The following XPC variants were observed in gnomAD, a reference collection of about 807,000 sequenced individuals.
The protein encoded by XPC is XPC complex subunit, DNA damage recognition and repair factor.
Under a neutral mutation model 95.8 loss-of-function variants are expected in XPC, and 76 were observed. The observed-to-expected ratio is 0.79, with a 90% CI of 0.66 to 0.96. The LOEUF (loss-of-function observed/expected upper bound fraction) is 0.96, where lower values mean the gene tolerates loss of function less well. Ranked by LOEUF, XPC falls within the 40% of genes least tolerant of loss-of-function variation. XPC has a pLI of 0.00. For missense variants in XPC, 1,146 were observed against 1,179.8 expected (o/e 0.97, Z 0.42); for synonymous variants, 442 against 442.1 (o/e 1.00, Z 0.00).
chr3:14,167,171 T>A lies in XPC; in HGVS notation c.619A>T (p.Lys207Ter). 6.3e-7 allele frequency: 1 copy of A among 1,599,420 alleles called. No homozygotes were observed. Among genetic ancestry groups the A allele is most frequent in the Non-Finnish European group, 8.5e-7 (1 of 1,172,042 alleles). ...FNKGVHEDTH[K>*]VHLLCLLANG... Reference sequence around the variant, plus strand: ...TCCCCATCATTCCTTGCCCTTACCTTGTGTGTGTCCTCATGGACCCCTTTA... The same window carrying A: ...TCCCCATCATTCCTTGCCCTTACCTAGTGTGTGTCCTCATGGACCCCTTTA... The change falls in exon 5 of 16, where the codon AAG becomes TAG. Residue 207 changes from lysine to a stop codon, truncating the protein, a stop_gained and splice_region_variant. Coordinates refer to ENST00000285021, the MANE Select transcript of XPC (RefSeq NM_004628.5). LOFTEE classifies it high-confidence loss of function.
rs775405040 is a variant in XPC, at chr3:14,156,411, G to T, written c.1957C>A (p.Leu653Ile). Residue 653 changes from leucine to isoleucine, a missense_variant, in exon 10 of 16, where the codon CTC becomes ATC. Coordinates refer to ENST00000285021, the MANE Select transcript of XPC (RefSeq NM_004628.5). ...GGATAGATGGCCTCATATTTCAGGA[G>T]ATGCCGCTTCAGGGCATACAGAGGG... Reference protein sequence around the residue: ...NHPLYALKRHLLKYEAIYPET... With the variant: ...NHPLYALKRHILKYEAIYPET... 14 of 1,614,048 alleles carry T rather than the reference G, an allele frequency of 8.7e-6. No homozygotes were observed. The highest frequency in any genetic ancestry group is 1.2e-5 in the Non-Finnish European group (14 of 1,179,894).
intron 10 of XPC, among the ~76,000 whole-genome samples, chr3:14,155,657 A>G (rs926593615): frequency 1.3e-5 from 2 of 152,076 alleles, no homozygotes; most frequent in African/African-American, 2.4e-5. Context: ...TCCCGGGTTC[A>G]CGCCATTCTC....
chr3:14,171,304 G>A (rs998907269), intron 2 of XPC, among the ~76,000 whole-genome samples: 16 of 152,066 alleles, frequency 1.1e-4, no homozygotes, highest in Admixed American at 7.9e-4. Context: ...CATCAATCTT[G>A]AGCTCTAATA....
chr3:14,164,946 C>T lies in XPC; in HGVS notation c.780-13G>A, dbSNP rs1696315570. ...TGTTCCAATGAACCTGGGGAGAAAG[C>T]AGGCATTCCTTGTGTCAGAGGTCAG... On this transcript the variant is annotated splice_polypyrimidine_tract_variant and intron_variant, in intron 6 of 15. Coordinates refer to ENST00000285021, the MANE Select transcript of XPC (RefSeq NM_004628.5). 3 of 1,604,308 alleles carry T rather than the reference C, an allele frequency of 1.9e-6. No individual in the cohort carries two copies. Among genetic ancestry groups the T allele is most frequent in the Non-Finnish European group, 2.6e-6 (3 of 1,175,712 alleles).
At chr3:14,165,025 G>T in intron 6 of XPC, 92 bp from the exon 7 acceptor site, 2 of 1,490,652 alleles carry the variant, frequency 1.3e-6, no homozygotes, top group Non-Finnish European at 1.8e-6. Context: ...GGAGTGAATC[G>T]TGAGACCCGC....
chr3:14,176,672 A>G lies in XPC; in HGVS notation c.103+1794T>C, dbSNP rs555656368. On this transcript the variant is annotated intron_variant, in intron 1 of 15. Coordinates refer to ENST00000285021, the MANE Select transcript of XPC (RefSeq NM_004628.5). ...AATTATTACCATTTCACTATTTCCTAATGGATGATGAATTTATAACCGGTA... is the reference window on the plus strand; with the variant it reads ...AATTATTACCATTTCACTATTTCCTGATGGATGATGAATTTATAACCGGTA... Among the ~76,000 whole-genome samples the G allele has an allele frequency of 1.1e-3, 168 of 152,374 alleles. 1 individual carries two copies. Among genetic ancestry groups the G allele is most frequent in the Middle Eastern group, 6.8e-3 (2 of 294 alleles).
At position 14,178,312 on chromosome 3, in the gene XPC, G is replaced by A. The variant is rs933633610; in HGVS notation, c.103+154C>T. The stretch of plus-strand genomic sequence containing the variant: ...AGGACAAAGACGCGGGGACAGCGGG[G>A]AGGGCCGGCCGCAGCCTGCCGGGCT... On this transcript the variant is annotated intron_variant, in intron 1 of 15. Coordinates refer to ENST00000285021, the MANE Select transcript of XPC (RefSeq NM_004628.5). 9 of 829,056 alleles carry A rather than the reference G, an allele frequency of 1.1e-5. No homozygotes were observed. The African/African-American group carries it at 1.7e-4, about 15-fold the overall frequency. The allele number at this position is 829,056 out of a possible 1,614,324, so 51.4% of individuals were successfully genotyped here. A position where few individuals can be genotyped will look rare whatever the true frequency, so the allele number is the denominator to read the frequency against.
chr3:14,155,494 C>T (rs994426958), intron 10 of XPC, among the ~76,000 whole-genome samples: 1 of 151,742 alleles, frequency 6.6e-6, no homozygotes, highest in Non-Finnish European at 1.5e-5. Flanking sequence ...TCTTATTCCA[C>T]TCTTTTTTTA....
At chr3:14,147,869 C>T in intron 14 of XPC, 39 bp downstream of exon 14, 2 of 1,547,072 alleles carry the variant, frequency 1.3e-6, no homozygotes, top group South Asian at 1.2e-5. Flanking sequence ...AGTGTTGCTT[C>T]CCGCTTCTGC....
chr3:14,178,263 C>T, intron 1 of XPC: 1 of 586,428 alleles, frequency 1.7e-6, no homozygotes. Flanking sequence ...GGGCGAAGCT[C>T]GCGGGAAACC....
At chr3:14,147,531 ATC>A in intron 14 of XPC, 152 bp from the exon 15 acceptor site, 1 of 762,366 alleles carries the variant, frequency 1.3e-6, no homozygotes, top group Admixed American at 2.8e-5. Context: ...CAAAAAATTG[ATC>A]TGATTTACAA....
In XPC at chr3:14,158,142, C is replaced by T; in HGVS notation, c.1741G>A (p.Val581Ile). Residue 581 changes from valine to isoleucine, a missense_variant, in exon 9 of 16, where the codon GTC (valine) becomes ATC (isoleucine). Coordinates refer to ENST00000285021, the MANE Select transcript of XPC (RefSeq NM_004628.5). This position sits in a 1 kb window ranked among gnomAD's most constrained non-coding sequence, Gnocchi z 5.2. ...GIDSDGWVRDVTQRYDPVWMT... is the reference protein window; with the variant it reads ...GIDSDGWVRDITQRYDPVWMT... ...CAGACTGGGTCGTACCTCTGTGTGACATCTCGGACCCAGCCGTCACTGTCA... is the reference window on the plus strand; with the variant it reads ...CAGACTGGGTCGTACCTCTGTGTGATATCTCGGACCCAGCCGTCACTGTCA... 1 of 1,614,000 alleles carries T rather than the reference C, an allele frequency of 6.2e-7. No individual in the cohort carries two copies. Among genetic ancestry groups the T allele is most frequent in the Non-Finnish European group, 8.5e-7 (1 of 1,179,896 alleles).
At chr3:14,173,766 G>T (rs1696705761) in intron 1 of XPC, among the ~76,000 whole-genome samples, 1 of 152,074 alleles carries the variant, frequency 6.6e-6, no homozygotes, top group South Asian at 2.1e-4. Context: ...TATATTAATA[G>T]ATTAGTTTTA....
At chr3:14,152,495 C>G (rs969299225) in intron 10 of XPC, 79 bp from the exon 11 acceptor site, 2 of 1,379,164 alleles carry the variant, frequency 1.5e-6, no homozygotes, top group African/African-American at 1.5e-5. Context: ...GAGAGCGCAG[C>G]CCTGCAGGCT....
intron 1 of XPC, among the ~76,000 whole-genome samples, chr3:14,175,742 G>A (rs1376986815): frequency 6.6e-6 from 1 of 152,172 alleles, no homozygotes; most frequent in African/African-American, 2.4e-5. Context: ...TCATTTGCAT[G>A]TACAGGGGTG....
At chr3:14,148,433 G>A (rs1037436931) in intron 13 of XPC, 129 bp downstream of exon 13, 22 of 1,305,446 alleles carry the variant, frequency 1.7e-5, no homozygotes, top group Non-Finnish European at 2.3e-5. Flanking sequence ...CAAATCCAGT[G>A]TAACATCCTG....
In XPC at chr3:14,157,902, C is replaced by T. The variant is rs556149669; in HGVS notation, c.1872+109G>A. ...TGGCTGTGACAATTAAATGAGACAA[C>T]CCATTAAAAACACCCAACATAGTGC... On this transcript the variant is annotated intron_variant, in intron 9 of 15. Coordinates refer to ENST00000285021, the MANE Select transcript of XPC (RefSeq NM_004628.5). The T allele has an allele frequency of 5.9e-5, 83 of 1,406,942 alleles. No homozygotes were observed. In the African/African-American group the frequency reaches 9.4e-4, roughly 16 times the overall value. The allele number at this position is 1,406,942 out of a possible 1,614,324, so 87.2% of individuals were successfully genotyped here.
Position 14,158,128 on chromosome 3 carries a change from G to A in XPC, c.1755C>T (p.Tyr585=), listed in dbSNP as rs770336067. ...GGGTCACTGTCATCCAGACTGGGTC[G>A]TACCTCTGTGTGACATCTCGGACCC... ...DGWVRDVTQR[Y]DPVWMTVTRK... is the part of the protein sequence containing the mutation. Residue 585 remains tyrosine, a synonymous_variant, in exon 9 of 16, where the codon TAC becomes TAT. Coordinates refer to ENST00000285021, the MANE Select transcript of XPC (RefSeq NM_004628.5). The surrounding 1 kb of genome is among the most constrained non-coding windows in gnomAD (Gnocchi z 5.2). 15 of 1,613,752 alleles carry A rather than the reference G, an allele frequency of 9.3e-6. No individual in the cohort carries two copies. Among genetic ancestry groups the A allele is most frequent in the Admixed American group, 1.7e-5 (1 of 59,994 alleles).
chr3:14,146,199 T>C lies in XPC; in HGVS notation c.2605-40A>G, dbSNP rs2733532. The C allele has an allele frequency of 0.62, 956,260 of 1,548,762 alleles. 297,297 individuals carry two copies. The highest frequency in any genetic ancestry group is 0.75 in the African/African-American group (54,857 of 73,300). On this transcript the variant is annotated intron_variant, in intron 15 of 15. Coordinates refer to ENST00000285021, the MANE Select transcript of XPC (RefSeq NM_004628.5). ...GTGGTGGGAGGACACAGGCGAGGGT[T>C]AGTAATCAGATACCAGGAAGCCCCA...
Sources: allele counts gnomAD v4.1 joint callset (sites outside exome capture counted in the v4.1 genomes callset), GRCh38; gene constraint gnomAD v4.1.1; non-coding constraint Gnocchi (gnomAD v3.1); transcripts MANE v1.5; gene names NCBI Gene and HGNC (gene_info 2026-07-23, HGNC 2026-07-21).